ATXN7L1: variants seen among roughly 807,000 people sequenced by gnomAD.
ATXN7L1 encodes ataxin-7-like protein 1.
In ATXN7L1, 15 loss-of-function variants were observed where a neutral mutation model predicts 70.8. The observed-to-expected ratio is 0.21, with a 90% CI of 0.14 to 0.33. The LOEUF (loss-of-function observed/expected upper bound fraction) is 0.33. Among genes scored for constraint, ATXN7L1 ranks in the 10% least tolerant of loss-of-function variants. The pLI is 1.00. For synonymous variants in ATXN7L1, 440 were observed against 445.1 expected, an observed-to-expected ratio of 0.99 and a Z score of 0.14; for missense variants, 975 against 1,097.1, an observed-to-expected ratio of 0.89 and a Z score of 1.57.
At chr7:105,622,087 C>T (rs1274914414) in intron 8 of ATXN7L1, among the ~76,000 whole-genome samples, 6 of 152,214 alleles carry the variant, frequency 3.9e-5, no homozygotes, top group Non-Finnish European at 8.8e-5. Flanking sequence ...CTTCCCTCAT[C>T]CCAATTGCTA....
chr7:105,724,216 C>T (rs1056478856), intron 3 of ATXN7L1, among the ~76,000 whole-genome samples: 3 of 152,046 alleles, frequency 2.0e-5, no homozygotes, highest in African/African-American at 4.8e-5. Context: ...TTATTTCCTA[C>T]GTGGTTGGAA....
intron 2 of ATXN7L1, among the ~76,000 whole-genome samples, chr7:105,847,198 C>T (rs1327967417): frequency 1.3e-5 from 2 of 152,138 alleles, no homozygotes; most frequent in East Asian, 1.9e-4. Flanking sequence ...ACATGGGAGG[C>T]GTGTTCCCTG....
At chr7:105,841,854 C>G (rs1396045562) in intron 2 of ATXN7L1, among the ~76,000 whole-genome samples, 1 of 152,202 alleles carries the variant, frequency 6.6e-6, no homozygotes, top group East Asian at 1.9e-4. Context: ...CAGACATCCA[C>G]TGGGGGTCTT....
chr7:105,648,276 T>C (rs1799349395), intron 4 of ATXN7L1, among the ~76,000 whole-genome samples: 1 of 152,216 alleles, frequency 6.6e-6, no homozygotes, highest in African/African-American at 2.4e-5. Context: ...CTTTTTTCTT[T>C]GGTGTCCCTT....
At chr7:105,851,665 G>A (rs575366744) in intron 2 of ATXN7L1, among the ~76,000 whole-genome samples, 1 of 151,988 alleles carries the variant, frequency 6.6e-6, no homozygotes, top group African/African-American at 2.4e-5. Context: ...GTTATTTCTG[G>A]GCACAGGTGT....
At chr7:105,841,020 T>A (rs563588097) in intron 2 of ATXN7L1, among the ~76,000 whole-genome samples, 1 of 152,214 alleles carries the variant, frequency 6.6e-6, no homozygotes, top group East Asian at 1.9e-4. Flanking sequence ...CCAGGACAGA[T>A]CACTTGGGCA....
chr7:105,610,504 C>T, intron 11 of ATXN7L1, 25 bp downstream of exon 11: 3 of 1,175,024 alleles, frequency 2.6e-6, no homozygotes, highest in East Asian at 3.0e-5. Flanking sequence ...GAATTTTTGC[C>T]CCACCCCCAC....
At chr7:105,703,634 A>C (rs1792766537) in intron 3 of ATXN7L1, among the ~76,000 whole-genome samples, 1 of 152,222 alleles carries the variant, frequency 6.6e-6, no homozygotes, top group South Asian at 2.1e-4. Context: ...CCTGAGAGAC[A>C]CTACCCACCC....
Position 105,606,175 on chromosome 7 carries a change from C to T in ATXN7L1, c.*1677G>A, listed in dbSNP as rs1273192139. The T allele has an allele frequency of 6.6e-6, 1 of 151,954 alleles. No individual in the cohort carries two copies. The highest frequency in any genetic ancestry group is 2.4e-5 in the African/African-American group (1 of 41,364). 9.4% of individuals were successfully genotyped at this position (151,954 alleles called of 1,614,324 possible). On this transcript the variant is annotated 3_prime_UTR_variant, in exon 12 of 12. Coordinates refer to ENST00000419735, the MANE Select transcript of ATXN7L1 (RefSeq NM_020725.2). The stretch of plus-strand genomic sequence containing the variant: ...CTGTAGAAATAAAAATGAAATCATC[C>T]GAACTAATGTCCTGGTACTTAATAT...
chr7:105,841,799 A>G (rs530864203), intron 2 of ATXN7L1, among the ~76,000 whole-genome samples: 1 of 152,362 alleles, frequency 6.6e-6, no homozygotes, highest in South Asian at 2.1e-4. Flanking sequence ...GTACGTATGC[A>G]TAGGCAAAAA....
At chr7:105,781,480 G>C (rs563273467) in intron 3 of ATXN7L1, among the ~76,000 whole-genome samples, 2 of 152,250 alleles carry the variant, frequency 1.3e-5, no homozygotes, top group African/African-American at 4.8e-5. Context: ...CACACACACA[G>C]AGCATCATCC....
chr7:105,639,596 T>C, intron 5 of ATXN7L1, 27 bp from the exon 6 acceptor site: 2 of 1,503,470 alleles, frequency 1.3e-6, no homozygotes, highest in Non-Finnish European at 1.8e-6. Flanking sequence ...ACAAAAAATA[T>C]AAGAAAAAAG....
intron 2 of ATXN7L1, among the ~76,000 whole-genome samples, chr7:105,797,248 C>T (rs552009301): frequency 1.3e-5 from 2 of 152,320 alleles, no homozygotes; most frequent in Admixed American, 6.5e-5. Flanking sequence ...AGCCCAGAGC[C>T]GGGCCTGGTA....
At chr7:105,733,597 T>C (rs796246195) in intron 3 of ATXN7L1, among the ~76,000 whole-genome samples, 98 of 52,198 alleles carry the variant, frequency 1.9e-3, no homozygotes, top group African/African-American at 3.2e-3. Flanking sequence ...CATCCATCCA[T>C]CCATCCACCC....
chr7:105,647,233 A>G (rs1799179258), intron 4 of ATXN7L1, among the ~76,000 whole-genome samples: 1 of 152,244 alleles, frequency 6.6e-6, no homozygotes, highest in East Asian at 1.9e-4. Flanking sequence ...ACGAGTTAAC[A>G]TAACGCCTCT....
chr7:105,822,278 A>G (rs1472774512), intron 2 of ATXN7L1, among the ~76,000 whole-genome samples: 1 of 152,210 alleles, frequency 6.6e-6, no homozygotes, highest in Admixed American at 6.5e-5. Flanking sequence ...CTCCAAAAAT[A>G]AATCCATAAC....
At position 105,608,157 on chromosome 7, in the gene ATXN7L1, C is replaced by T. The variant is rs368934971; in HGVS notation, c.2548-267G>A. ...ACAAGGACGAATGCCGCGGACATTC[C>T]TGGGAGTCCTCTTTGGGAGAGTGGA... On this transcript the variant is annotated intron_variant, in intron 11 of 11. Transcript: ENST00000419735. Among the ~76,000 whole-genome samples, 15 of 152,304 alleles carry T rather than the reference C, an allele frequency of 9.8e-5. No individual in the cohort carries two copies. The South Asian group carries it at 2.7e-3, about 27-fold the overall frequency.
chr7:105,853,331 C>G (rs1815177896), intron 2 of ATXN7L1, among the ~76,000 whole-genome samples: 1 of 150,746 alleles, frequency 6.6e-6, no homozygotes, highest in Non-Finnish European at 1.5e-5. Context: ...TGTAGATCAC[C>G]TGACTGAGGT....
At chr7:105,651,683 T>G (rs1037407741) in intron 4 of ATXN7L1, among the ~76,000 whole-genome samples, 2 of 152,226 alleles carry the variant, frequency 1.3e-5, no homozygotes, top group Non-Finnish European at 2.9e-5. Context: ...CAAGCCCACC[T>G]GCTTCTCCAT....
Sources: gnomAD v4.1 joint callset for allele counts (sites outside exome capture counted in the v4.1 genomes callset) on GRCh38, gnomAD v4.1.1 for gene constraint, MANE v1.5 for transcripts, NCBI Gene and HGNC (gene_info 2026-07-23, HGNC 2026-07-21) for gene names.